ZMIZ1: variants seen among roughly 807,000 people sequenced by gnomAD.
ZMIZ1 encodes zinc finger MIZ-type containing 1.
In ZMIZ1, 17 loss-of-function variants were observed where a neutral mutation model predicts 113.9. The ratio of observed to expected loss-of-function variants is 0.15; its 90% confidence interval spans 0.10 to 0.22. The LOEUF (loss-of-function observed/expected upper bound fraction) is 0.22. Among genes scored for constraint, ZMIZ1 ranks in the 10% least tolerant of loss-of-function variants. The probability of loss-of-function intolerance (pLI) is 1.00; values close to 1 mark genes in which losing one functional copy is unlikely to be tolerated. For synonymous variants in ZMIZ1, 607 were observed against 603.1 expected, an observed-to-expected ratio of 1.01 and a Z score of -0.09; for missense variants, 1,059 against 1,477.8, an observed-to-expected ratio of 0.72 and a Z score of 4.65.
intron 2 of ZMIZ1, among the ~76,000 whole-genome samples, chr10:79,135,817 G>T (rs1370688686): frequency 6.6e-6 from 1 of 152,198 alleles, no homozygotes; most frequent in African/African-American, 2.4e-5. Context: ...TGAGGGTCAT[G>T]TGCAAAGTGT....
At chr10:79,203,968 T>G (rs904119428) in intron 5 of ZMIZ1, among the ~76,000 whole-genome samples, 1 of 152,128 alleles carries the variant, frequency 6.6e-6, no homozygotes, top group Non-Finnish European at 1.5e-5. Context: ...AGATGCCCCC[T>G]GGGCCATCCA....
intron 6 of ZMIZ1, among the ~76,000 whole-genome samples, chr10:79,211,848 C>T (rs372895827): frequency 3.4e-4 from 52 of 152,318 alleles, no homozygotes; most frequent in South Asian, 3.1e-3. Flanking sequence ...TAGGGAACGG[C>T]GGAAGACAGA....
At position 79,218,888 on chromosome 10, in the gene ZMIZ1, A is replaced by C. The variant is rs548987867; in HGVS notation, c.280+2614A>C. On this transcript the variant is annotated intron_variant, in intron 7 of 24. Transcript: ENST00000334512. The stretch of plus-strand genomic sequence containing the variant: ...TCTGGAGCCCAGAGGCAGGGGGTAC[A>C]TGGCAAAGGCGAGGCTGGAGAGGTC... Among the ~76,000 whole-genome samples the C allele has an allele frequency of 2.0e-5, 3 of 152,266 alleles. No individual in the cohort carries two copies. In the East Asian group the frequency reaches 5.8e-4, roughly 29 times the overall value.
chr10:79,132,551 A>ATACT (rs1376027629), intron 2 of ZMIZ1, among the ~76,000 whole-genome samples: 2 of 152,342 alleles, frequency 1.3e-5, no homozygotes, highest in Admixed American at 6.5e-5. Flanking sequence ...CCGTAAAAGT[A>ATACT]TACTACATGG....
At chr10:79,079,278 C>A (rs1195052818) in intron 1 of ZMIZ1, among the ~76,000 whole-genome samples, 1 of 152,250 alleles carries the variant, frequency 6.6e-6, no homozygotes. Context: ...TTTGTTTCAC[C>A]CATGGGGGCT....
At chr10:79,116,058 A>G (rs1265740261) in intron 1 of ZMIZ1, among the ~76,000 whole-genome samples, 2 of 152,168 alleles carry the variant, frequency 1.3e-5, no homozygotes, top group African/African-American at 4.8e-5. Flanking sequence ...ACTGGGCATC[A>G]TGGCTTACTG....
At chr10:79,209,640 T>C (rs1050609916) in intron 6 of ZMIZ1, among the ~76,000 whole-genome samples, 2 of 152,196 alleles carry the variant, frequency 1.3e-5, no homozygotes, top group Non-Finnish European at 2.9e-5. Flanking sequence ...GGCCTTGGCC[T>C]GGAGAGGAAG....
At chr10:79,278,187 A>C (rs1188269399) in intron 8 of ZMIZ1, among the ~76,000 whole-genome samples, 2 of 152,192 alleles carry the variant, frequency 1.3e-5, no homozygotes, top group African/African-American at 2.4e-5. Flanking sequence ...AAAGGACCTT[A>C]GTGCTCATCA....
At chr10:79,287,292 A>G (rs1392751504) in intron 8 of ZMIZ1, among the ~76,000 whole-genome samples, 1 of 152,172 alleles carries the variant, frequency 6.6e-6, no homozygotes, top group Non-Finnish European at 1.5e-5. Flanking sequence ...CTGGGCTCCC[A>G]GTCTCCAATC....
chr10:79,083,198 G>A (rs1414464724), intron 1 of ZMIZ1, among the ~76,000 whole-genome samples: 1 of 152,220 alleles, frequency 6.6e-6, no homozygotes, highest in Non-Finnish European at 1.5e-5. Context: ...GACATGAGTG[G>A]GTGATGGGGC....
chr10:79,291,201 A>G, intron 10 of ZMIZ1, 25 bp downstream of exon 10: 1 of 1,578,850 alleles, frequency 6.3e-7, no homozygotes, highest in South Asian at 1.1e-5. Context: ...CCTGTGGCAG[A>G]AGCCATGGAC....
At chr10:79,297,566 A>C in intron 13 of ZMIZ1, 47 bp from the exon 14 acceptor site, 1 of 1,555,910 alleles carries the variant, frequency 6.4e-7, no homozygotes, top group Non-Finnish European at 8.9e-7. Flanking sequence ...CGGGCTTCTG[A>C]TGGCTTTTCT....
At chr10:79,257,594 A>G (rs1042083723) in intron 7 of ZMIZ1, among the ~76,000 whole-genome samples, 1 of 152,224 alleles carries the variant, frequency 6.6e-6, no homozygotes, top group Non-Finnish European at 1.5e-5. Context: ...CTGATCTGGA[A>G]GAGAAGCCAG....
chr10:79,311,308 G>GGGCTGGC, intron 24 of ZMIZ1, 124 bp downstream of exon 24: 1 of 765,108 alleles, frequency 1.3e-6, no homozygotes, highest in Non-Finnish European at 1.9e-6. Context: ...CGGTGGGAGG[G>GGGCTGGC]CTTCACCCAG....
chr10:79,085,385 G>A (rs963435533), intron 1 of ZMIZ1, among the ~76,000 whole-genome samples: 7 of 152,220 alleles, frequency 4.6e-5, no homozygotes, highest in African/African-American at 1.7e-4. Context: ...GCCCGCAGTT[G>A]AGTTCCCACC....
rs536466152 is a variant in ZMIZ1, at chr10:79,185,105, G to A, written c.-49-16479G>A. On this transcript the variant is annotated intron_variant, in intron 4 of 24. Transcript: ENST00000334512. ...AGCAGGACGGTGAAGCCTTGGCTGT[G>A]GATAATTGTCGGGAGCATCCCAGGC... is the stretch of plus-strand genomic sequence containing the variant. 2.0e-5 allele frequency among the ~76,000 whole-genome samples: 3 copies of A among 152,010 alleles called. No individual in the cohort carries two copies. In the East Asian group the frequency reaches 5.8e-4, roughly 29 times the overall value.
At chr10:79,263,741 A>G (rs1354256835) in intron 7 of ZMIZ1, among the ~76,000 whole-genome samples, 1 of 152,036 alleles carries the variant, frequency 6.6e-6, no homozygotes, top group Non-Finnish European at 1.5e-5. Flanking sequence ...AATCAAATCA[A>G]GGGAGTACAT....
intron 23 of ZMIZ1, among the ~76,000 whole-genome samples, chr10:79,309,059 G>A (rs1854930711): frequency 6.6e-6 from 1 of 152,130 alleles, no homozygotes; most frequent in South Asian, 2.1e-4. Context: ...GGTGGGGCAG[G>A]GCAGTCACAG....
At chr10:79,248,530 G>A (rs1850349780) in intron 7 of ZMIZ1, among the ~76,000 whole-genome samples, 1 of 152,210 alleles carries the variant, frequency 6.6e-6, no homozygotes, top group African/African-American at 2.4e-5. Context: ...CAGGAATCGG[G>A]CATAGAAGTT....
Sources: gnomAD v4.1 joint callset for allele counts (sites outside exome capture counted in the v4.1 genomes callset) on GRCh38, gnomAD v4.1.1 for gene constraint, MANE v1.5 for transcripts, NCBI Gene and HGNC (gene_info 2026-07-23, HGNC 2026-07-21) for gene names.